The following MGAT4C variants were observed in gnomAD, a reference collection of about 807,000 sequenced individuals.
MGAT4C encodes alpha-1,3-mannosyl-glycoprotein 4-beta-N-acetylglucosaminyltransferase C.
A neutral mutation model predicts 40.1 loss-of-function variants in MGAT4C; 19 were observed. That is an observed-to-expected ratio of 0.47 (90% confidence interval 0.33 to 0.70). The LOEUF (loss-of-function observed/expected upper bound fraction) is 0.70, where lower values mean the gene tolerates loss of function less well. Among genes scored for constraint, MGAT4C ranks in the 30% least tolerant of loss-of-function variants. The pLI, the probability that MGAT4C is intolerant of heterozygous loss-of-function variation, is 0.02. For synonymous variants in MGAT4C, 181 were observed against 187.1 expected, an observed-to-expected ratio of 0.97 and a Z score of 0.27; for missense variants, 491 against 563.2, an observed-to-expected ratio of 0.87 and a Z score of 1.30.
chr12:86,628,130 G>A (rs942666297), intron 2 of MGAT4C, among the ~76,000 whole-genome samples: 6 of 152,160 alleles, frequency 3.9e-5, no homozygotes, highest in African/African-American at 1.4e-4. Flanking sequence ...TCGATCAAGT[G>A]GAAGAAAGGG....
chr12:86,437,560 G>T (rs999841377), intron 2 of MGAT4C, among the ~76,000 whole-genome samples: 17 of 151,798 alleles, frequency 1.1e-4, no homozygotes, highest in African/African-American at 4.1e-4. Flanking sequence ...ACAAATACAA[G>T]AACACATTGT....
At chr12:86,113,252 A>G (rs1409784633) in intron 1 of MGAT4C, among the ~76,000 whole-genome samples, 1 of 151,762 alleles carries the variant, frequency 6.6e-6, no homozygotes, top group Non-Finnish European at 1.5e-5. Flanking sequence ...CAGTTTTTTG[A>G]AAAAAATGTC....
chr12:86,078,660 T>C (rs1389415769), intron 1 of MGAT4C, among the ~76,000 whole-genome samples: 1 of 152,154 alleles, frequency 6.6e-6, no homozygotes. Context: ...GCAGTGGATG[T>C]AGCCAGGTCA....
intron 2 of MGAT4C, among the ~76,000 whole-genome samples, chr12:86,492,536 G>A (rs1232138702): frequency 6.6e-6 from 1 of 152,122 alleles, no homozygotes; most frequent in African/African-American, 2.4e-5. Flanking sequence ...AGAAAAACAA[G>A]CAATGGGGAA....
At position 85,979,787 on chromosome 12, in the gene MGAT4C, G is replaced by A; in HGVS notation, c.939C>T (p.Gly313=). The A allele has an allele frequency of 6.2e-7, 1 of 1,613,608 alleles. No individual in the cohort carries two copies. Residue 313 remains glycine, a synonymous_variant, in exon 5 of 5, where the codon GGC becomes GGT. Coordinates refer to ENST00000611864, the MANE Select transcript of MGAT4C (RefSeq NM_001351288.2). The part of the protein sequence containing the change: ...RFKPSLFQHM[G]YYSSYKGTEN... ...CCGTCCCTTTGTATGATGAATAATA[G>A]CCCATGTGCTGAAAGAGAGATGGTT...
intron 3 of MGAT4C, among the ~76,000 whole-genome samples, chr12:86,375,580 T>C (rs1273139774): frequency 6.6e-6 from 1 of 152,072 alleles, no homozygotes; most frequent in Admixed American, 6.6e-5. Flanking sequence ...ATTTGACAAA[T>C]TCTTCCAAAC....
chr12:86,277,715 A>G (rs963649751), intron 4 of MGAT4C, among the ~76,000 whole-genome samples: 3 of 151,836 alleles, frequency 2.0e-5, no homozygotes, highest in African/African-American at 7.3e-5. Flanking sequence ...AGATTCATGG[A>G]TTTCTTTCTG....
At chr12:86,376,822 GA>G (rs1955833817) in intron 3 of MGAT4C, among the ~76,000 whole-genome samples, 1 of 106,566 alleles carries the variant, frequency 9.4e-6, no homozygotes, top group Non-Finnish European at 2.0e-5. Flanking sequence ...GAGAGACAGA[GA>G]GAGAGAGAGA....
chr12:86,762,252 T>A (rs1409377759), intron 1 of MGAT4C, among the ~76,000 whole-genome samples: 1 of 152,046 alleles, frequency 6.6e-6, no homozygotes, highest in Non-Finnish European at 1.5e-5. Flanking sequence ...GGTTTCACTA[T>A]GTTTCCCAGG....
chr12:86,219,117 T>C (rs973916245), intron 1 of MGAT4C, among the ~76,000 whole-genome samples: 1 of 151,814 alleles, frequency 6.6e-6, no homozygotes, highest in Non-Finnish European at 1.5e-5. Flanking sequence ...GAGGTGGAGG[T>C]TGCAGTGAGC....
rs113786136 is a variant in MGAT4C, at chr12:86,498,423, C to T, written c.-228-63158G>A. On this transcript the variant is annotated intron_variant, in intron 2 of 7. Transcript: ENST00000548651. ...GTAGCCTACAAATATCAGAAAAATT[C>T]AGAAAAAGCAAGGCATGCATGAAAA... is the stretch of plus-strand genomic sequence containing the variant. 3.3e-3 allele frequency among the ~76,000 whole-genome samples: 500 copies of T among 151,662 alleles called. 2 individuals carry two copies. The highest frequency in any genetic ancestry group is 0.012 in the African/African-American group (483 of 41,420).
intron 1 of MGAT4C, among the ~76,000 whole-genome samples, chr12:86,241,723 C>A (rs991829861): frequency 1.3e-5 from 2 of 152,154 alleles, no homozygotes; most frequent in Non-Finnish European, 2.9e-5. Context: ...TGTTTGACTG[C>A]TTTATGTGGG....
At chr12:86,261,030 T>A (rs1332269350), upstream of MGAT4C, among the ~76,000 whole-genome samples, 2 of 152,030 alleles carry the variant, frequency 1.3e-5, no homozygotes, top group Non-Finnish European at 2.9e-5. Context: ...TAGCTACTCA[T>A]AAGTATTAAA....
intron 1 of MGAT4C, among the ~76,000 whole-genome samples, chr12:86,241,987 C>G (rs1334426182): frequency 6.6e-6 from 1 of 152,084 alleles, no homozygotes; most frequent in Non-Finnish European, 1.5e-5. Context: ...CTGTATTTAC[C>G]TTTGGTGGCC....
intron 1 of MGAT4C, among the ~76,000 whole-genome samples, chr12:86,215,570 A>G (rs1379056133): frequency 1.3e-5 from 2 of 152,152 alleles, no homozygotes; most frequent in African/African-American, 4.8e-5. Context: ...AAAGCCAATG[A>G]TGAGCTGTAA....
rs11103958 is a variant in MGAT4C, at chr12:86,441,777, C to T, written c.-228-6512G>A. Among the ~76,000 whole-genome samples, 774 of 151,996 alleles carry T rather than the reference C, an allele frequency of 5.1e-3. 2 individuals carry two copies. The highest frequency in any genetic ancestry group is 8.4e-3 in the Non-Finnish European group (570 of 67,974). Reference sequence around the variant, plus strand: ...GACATTTGGGTTGGTTCCAAGTCTTCGCTATTGTGAATAGTGCTGCAATAA... The same window carrying T: ...GACATTTGGGTTGGTTCCAAGTCTTTGCTATTGTGAATAGTGCTGCAATAA... On this transcript the variant is annotated intron_variant, in intron 2 of 7. Transcript: ENST00000548651.
intron 1 of MGAT4C, among the ~76,000 whole-genome samples, chr12:86,222,999 G>A (rs958805415): frequency 6.6e-6 from 1 of 152,144 alleles, no homozygotes; most frequent in Non-Finnish European, 1.5e-5. Flanking sequence ...GCTAACAGAG[G>A]GAGCTGCCTA....
At chr12:86,426,544 C>T (rs930709289) in intron 3 of MGAT4C, among the ~76,000 whole-genome samples, 1 of 152,190 alleles carries the variant, frequency 6.6e-6, no homozygotes, top group Non-Finnish European at 1.5e-5. Flanking sequence ...GCTAATTCAG[C>T]TAACCTGTGG....
intron 1 of MGAT4C, among the ~76,000 whole-genome samples, chr12:86,101,902 T>C (rs1335178833): frequency 6.6e-6 from 1 of 151,944 alleles, no homozygotes; most frequent in Non-Finnish European, 1.5e-5. Flanking sequence ...ATTCCCAAGT[T>C]GAAAACCTCC....
Sources: gnomAD v4.1 joint callset for allele counts (sites outside exome capture counted in the v4.1 genomes callset) on GRCh38, gnomAD v4.1.1 for gene constraint, MANE v1.5 for transcripts, NCBI Gene and HGNC (gene_info 2026-07-23, HGNC 2026-07-21) for gene names.